Variants in MS4A12 observed in about 807,000 individuals in gnomAD.
The protein encoded by MS4A12 is membrane-spanning 4-domains subfamily A member 12.
Under a neutral mutation model 23.7 loss-of-function variants are expected in MS4A12, and 28 were observed. The observed-to-expected ratio is 1.18, with a 90% confidence interval of 0.88 to 1.62. MS4A12 has a LOEUF of 1.62. Among genes scored for constraint, MS4A12 ranks in the 40% most tolerant of loss-of-function variants. The probability of loss-of-function intolerance (pLI) is 0.00; values close to 1 mark genes in which losing one functional copy is unlikely to be tolerated. For synonymous variants in MS4A12, 108 were observed against 110.1 expected (o/e 0.98, Z 0.12); for missense variants, 342 against 327.0 (o/e 1.05, Z -0.35).
chr11:60,501,145 C>T lies in MS4A12; in HGVS notation c.377C>T (p.Ala126Val), dbSNP rs2086527331. ...GAAGTATTAGGTTTTGCCTCTACTG[C>T]TGTTATTGGTGGATACCCATTCTGG... ...FREVLGFAST[A>V]VIGGYPFWGG... The change falls in exon 3 of 7, where the codon GCT (alanine) becomes GTT (valine). Residue 126 changes from alanine (A) to valine (V), a missense_variant. Physicochemically the swap from Ala to Val is moderately conservative, Grantham distance 64. Transcript: ENST00000016913. 1 of 1,612,928 alleles carries T rather than the reference C, an allele frequency of 6.2e-7. No individual in the cohort carries two copies. Among genetic ancestry groups the T allele is most frequent in the African/African-American group, 1.3e-5 (1 of 74,782 alleles).
intron 1 of MS4A12, among the ~76,000 whole-genome samples, chr11:60,495,252 T>C (rs1452613056): frequency 1.3e-5 from 2 of 151,716 alleles, no homozygotes; most frequent in Non-Finnish European, 2.9e-5. Flanking sequence ...TCTGCCCGCC[T>C]CGGCCTCCTA....
Position 60,497,526 on chromosome 11 carries a change from A to G in MS4A12, c.208A>G (p.Ile70Val). 2 of 1,614,152 alleles carry G rather than the reference A, an allele frequency of 1.2e-6. No homozygotes were observed. Among genetic ancestry groups the G allele is most frequent in the Non-Finnish European group, 1.7e-6 (2 of 1,179,952 alleles). The change falls in exon 2 of 7, where the codon ATA (isoleucine) becomes GTA (valine). Residue 70 changes from isoleucine (I) to valine (V), a missense_variant. Transcript: ENST00000016913. ...TAGCAGTCAACCGGGTCAAGGAAATATACAAATGATAAATCCAAGTGTGGG... is the reference window on the plus strand; with the variant it reads ...TAGCAGTCAACCGGGTCAAGGAAATGTACAAATGATAAATCCAAGTGTGGG... Reference protein sequence around the residue: ...FASSQPGQGNIQMINPSVGTA... With the variant: ...FASSQPGQGNVQMINPSVGTA...
intron 2 of MS4A12, among the ~76,000 whole-genome samples, chr11:60,498,453 G>T (rs1040360312): frequency 1.3e-5 from 2 of 152,116 alleles, no homozygotes; most frequent in African/African-American, 4.8e-5. Flanking sequence ...TGTGGAGGTG[G>T]CCCTTCTGAT....
At chr11:60,505,673 AG>A (rs1246367120) in intron 5 of MS4A12, among the ~76,000 whole-genome samples, 1 of 152,176 alleles carries the variant, frequency 6.6e-6, no homozygotes, top group Non-Finnish European at 1.5e-5. Flanking sequence ...AAAAATACTG[AG>A]AAGTCTCACT....
intron 1 of MS4A12, among the ~76,000 whole-genome samples, chr11:60,494,123 T>A (rs1295288620): frequency 1.3e-5 from 2 of 152,220 alleles, no homozygotes; most frequent in Non-Finnish European, 2.9e-5. Flanking sequence ...TGTCTTCATT[T>A]CAATTGAATA....
chr11:60,497,545 G>A lies in MS4A12; in HGVS notation c.227G>A (p.Ser76Asn). 1 of 1,614,148 alleles carries A rather than the reference G, an allele frequency of 6.2e-7. No homozygotes were observed. Among genetic ancestry groups the A allele is most frequent in the South Asian group, 1.1e-5 (1 of 91,074 alleles). ...GQGNIQMINPSVGTAVMNFKE... is the reference protein window; with the variant it reads ...GQGNIQMINPNVGTAVMNFKE... ...GGAAATATACAAATGATAAATCCAA[G>A]TGTGGGAACAGCAGTAATGAACTTT... Residue 76 changes from serine to asparagine, a missense_variant, in exon 2 of 7, where the codon AGT becomes AAT. Coordinates refer to ENST00000016913, the MANE Select transcript of MS4A12 (RefSeq NM_017716.3).
chr11:60,500,384 A>T (rs1432145567), intron 2 of MS4A12, among the ~76,000 whole-genome samples: 1 of 152,212 alleles, frequency 6.6e-6, no homozygotes, highest in Non-Finnish European at 1.5e-5. Context: ...AGAAGACTTC[A>T]TGGAAAAGGT....
intron 1 of MS4A12, among the ~76,000 whole-genome samples, chr11:60,494,710 G>T (rs1390460517): frequency 1.3e-5 from 2 of 152,250 alleles, no homozygotes; most frequent in Middle Eastern, 3.4e-3. Flanking sequence ...CTTTAGACTA[G>T]CCTCCTTAGG....
intron 1 of MS4A12, among the ~76,000 whole-genome samples, chr11:60,495,828 A>G (rs1266076554): frequency 6.6e-6 from 1 of 152,226 alleles, no homozygotes. Context: ...TCAATCACAA[A>G]GAAGTTAATC....
chr11:60,496,830 C>T (rs8181503), intron 1 of MS4A12, among the ~76,000 whole-genome samples: 85,943 of 151,928 alleles, frequency 0.57, 24,422 homozygotes, highest in Admixed American at 0.64. Context: ...CTTCTAGAGG[C>T]GACCCATACA....
At chr11:60,499,052 C>G (rs1357712806) in intron 2 of MS4A12, among the ~76,000 whole-genome samples, 4 of 152,132 alleles carry the variant, frequency 2.6e-5, no homozygotes. Flanking sequence ...TGCCCGGCAC[C>G]GAAGAGGCGT....
At chr11:60,502,746 T>C (rs2086540728) in intron 4 of MS4A12, among the ~76,000 whole-genome samples, 1 of 152,294 alleles carries the variant, frequency 6.6e-6, no homozygotes, top group South Asian at 2.1e-4. Flanking sequence ...GAACACAGAA[T>C]CATGTAGCTC....
rs546836504 is a variant in MS4A12, at chr11:60,501,142, C to T, written c.374C>T (p.Thr125Ile). The change falls in exon 3 of 7, where the codon ACT becomes ATT. Residue 125 changes from threonine to isoleucine, a missense_variant. Transcript: ENST00000016913. Reference sequence around the variant, plus strand: ...AGAGAAGTATTAGGTTTTGCCTCTACTGCTGTTATTGGTGGATACCCATTC... The same window carrying T: ...AGAGAAGTATTAGGTTTTGCCTCTATTGCTGTTATTGGTGGATACCCATTC... ...SFREVLGFAS[T>I]AVIGGYPFWG... 3.1e-6 allele frequency: 5 copies of T among 1,613,110 alleles called. No homozygotes were observed.
chr11:60,497,473 A>G lies in MS4A12; in HGVS notation c.155A>G (p.Tyr52Cys). The G allele has an allele frequency of 1.1e-5, 17 of 1,614,198 alleles. No individual in the cohort carries two copies. The highest frequency in any genetic ancestry group is 1.4e-5 in the Non-Finnish European group (17 of 1,180,026). The change falls in exon 2 of 7, where the codon TAC becomes TGC. Residue 52 changes from tyrosine (Y) to cysteine (C), a missense_variant. Coordinates refer to ENST00000016913, the MANE Select transcript of MS4A12 (RefSeq NM_017716.3). ...QAQGAQRAQP[Y>C]GITSPGIFAS... ...CAGGGTGCTCAGCGTGCTCAGCCCT[A>G]CGGCATCACATCTCCGGGAATCTTT...
chr11:60,498,143 T>C (rs2086503861), intron 2 of MS4A12: 1 of 152,452 alleles, frequency 6.6e-6, no homozygotes, highest in Admixed American at 6.5e-5. Context: ...CTTGTTTCTG[T>C]AGGCATTGTA....
chr11:60,497,226 G>C (rs575274789), intron 1 of MS4A12, 87 bp from the exon 2 acceptor site: 78 of 1,408,190 alleles, frequency 5.5e-5, no homozygotes, highest in Middle Eastern at 1.8e-4. Context: ...CATTTGCATA[G>C]ATAATTGACA....
At chr11:60,506,994 T>C in intron 6 of MS4A12, 26 bp from the exon 7 acceptor site, 1 of 1,582,836 alleles carries the variant, frequency 6.3e-7, no homozygotes, top group Non-Finnish European at 8.7e-7. Context: ...GTAACCATAT[T>C]GCTTGTTTTT....
At chr11:60,497,856 A>T in intron 2 of MS4A12, 1 of 358,832 alleles carries the variant, frequency 2.8e-6, no homozygotes, top group Non-Finnish European at 5.0e-6. Flanking sequence ...TGTTACATCT[A>T]GCTTGATCTC....
In MS4A12 at chr11:60,507,122, T is replaced by C. The variant is rs1318914376; in HGVS notation, c.802T>C (p.Ter268GlnextTer1). ...CNNYSANAPK[*>Q] Reference sequence around the variant, plus strand: ...CAACTACTCAGCTAATGCCCCTAAATAGTAAAAGAAAAAGGGGTATCAGTC... The same window carrying C: ...CAACTACTCAGCTAATGCCCCTAAACAGTAAAAGAAAAAGGGGTATCAGTC... Residue 268 changes from the stop codon to glutamine (Q), a stop_lost, in exon 7 of 7, where the codon TAG (stop) becomes CAG (glutamine). Coordinates refer to ENST00000016913, the MANE Select transcript of MS4A12 (RefSeq NM_017716.3). The C allele has an allele frequency of 1.2e-6, 2 of 1,606,124 alleles. No homozygotes were observed. The highest frequency in any genetic ancestry group is 1.3e-5 in the African/African-American group (1 of 74,782).
Sources: allele counts gnomAD v4.1 joint callset (sites outside exome capture counted in the v4.1 genomes callset), GRCh38; gene constraint gnomAD v4.1.1; transcripts MANE v1.5; gene names NCBI Gene and HGNC (gene_info 2026-07-23, HGNC 2026-07-21).